CDC5L: variants seen among roughly 807,000 people sequenced by gnomAD.
CDC5L encodes the protein cell division cycle 5-like protein.
CDC5L carries 18 observed loss-of-function variants against 104.1 expected under a neutral mutation model. That is an observed-to-expected ratio of 0.17 (90% CI 0.12 to 0.26). The LOEUF is 0.26. Ranked by LOEUF, CDC5L falls within the 10% of genes least tolerant of loss-of-function variation. The probability of loss-of-function intolerance (pLI) is 1.00; values close to 1 mark genes in which losing one functional copy is unlikely to be tolerated. For missense variants in CDC5L, 673 were observed against 956.9 expected, an observed-to-expected ratio of 0.70 and a Z score of 3.91; for synonymous variants, 331 against 322.7, an observed-to-expected ratio of 1.03 and a Z score of -0.28.
chr6:44,420,069 A>G (rs928150486), intron 9 of CDC5L, among the ~76,000 whole-genome samples: 3 of 152,078 alleles, frequency 2.0e-5, no homozygotes, highest in Admixed American at 2.0e-4. Flanking sequence ...CCTTTTATGT[A>G]TGTATTACTA....
intron 4 of CDC5L, among the ~76,000 whole-genome samples, chr6:44,394,512 A>G (rs1790759751): frequency 1.3e-5 from 2 of 152,168 alleles, no homozygotes; most frequent in African/African-American, 4.8e-5. Context: ...GAATTCCACA[A>G]TAGAAAGTAT....
intron 14 of CDC5L, among the ~76,000 whole-genome samples, chr6:44,433,588 T>A (rs998446691): frequency 3.9e-5 from 6 of 152,198 alleles, no homozygotes; most frequent in African/African-American, 1.4e-4. Flanking sequence ...ATGGAAAGGC[T>A]TTCCTTAGAG....
chr6:44,440,211 C>T (rs1793116183), intron 14 of CDC5L, among the ~76,000 whole-genome samples: 1 of 151,374 alleles, frequency 6.6e-6, no homozygotes, highest in Admixed American at 6.6e-5. Flanking sequence ...TGTTACTCGC[C>T]TGCCTCCACC....
At chr6:44,410,387 G>A (rs748242971) in intron 8 of CDC5L, among the ~76,000 whole-genome samples, 3 of 152,178 alleles carry the variant, frequency 2.0e-5, no homozygotes, top group Admixed American at 6.5e-5. Context: ...ACAAATGACA[G>A]GATTTCTTTT....
In CDC5L at chr6:44,449,191, G is replaced by A. The variant is rs951437436; in HGVS notation, c.*2480G>A. ...CACATACTTATAGCCTAAAAAAATCGGCAGGAATTACAAAATTTCAAAACT... is the reference window on the plus strand; with the variant it reads ...CACATACTTATAGCCTAAAAAAATCAGCAGGAATTACAAAATTTCAAAACT... On this transcript the variant is annotated 3_prime_UTR_variant, in exon 16 of 16. Coordinates refer to ENST00000371477, the MANE Select transcript of CDC5L (RefSeq NM_001253.4). The A allele has an allele frequency of 1.3e-5, 2 of 151,612 alleles. No homozygotes were observed. The highest frequency in any genetic ancestry group is 2.9e-5 in the Non-Finnish European group (2 of 67,962). The allele number at this position is 151,612 out of a possible 1,614,324, so 9.4% of individuals were successfully genotyped here.
Position 44,404,038 on chromosome 6 carries a change from T to G in CDC5L, c.758+11T>G. 6.3e-7 allele frequency: 1 copy of G among 1,595,758 alleles called. No homozygotes were observed. The highest frequency in any genetic ancestry group is 8.5e-7 in the Non-Finnish European group (1 of 1,172,066). On this transcript the variant is annotated intron_variant, in intron 6 of 15. Coordinates refer to ENST00000371477, the MANE Select transcript of CDC5L (RefSeq NM_001253.4). ...TGGGGAGCTAAGATCGTAAGTTGCC[T>G]TTCTGATTTTGGAAATGGAAAGGAA...
chr6:44,401,089 T>C (rs187519911), intron 5 of CDC5L, among the ~76,000 whole-genome samples: 33 of 152,222 alleles, frequency 2.2e-4, no homozygotes, highest in African/African-American at 7.2e-4. Flanking sequence ...GAACTTCCAC[T>C]GTTTTTGATA....
intron 8 of CDC5L, among the ~76,000 whole-genome samples, chr6:44,415,628 G>T (rs1383775757): frequency 6.6e-6 from 1 of 151,854 alleles, no homozygotes; most frequent in Non-Finnish European, 1.5e-5. Context: ...CATATAGCCT[G>T]CAAGAAGGAG....
In CDC5L at chr6:44,449,126, T is replaced by C. The variant is rs1482122214; in HGVS notation, c.*2415T>C. On this transcript the variant is annotated 3_prime_UTR_variant, in exon 16 of 16. Transcript: ENST00000371477. The stretch of plus-strand genomic sequence containing the variant: ...TATGGATTTAAAAGTTGATCTAATA[T>C]TAATAAAGGCTCACTTTGTTTTCAA... 3 of 152,258 alleles carry C rather than the reference T, an allele frequency of 2.0e-5. No individual in the cohort carries two copies. The highest frequency in any genetic ancestry group is 4.4e-5 in the Non-Finnish European group (3 of 68,050). The allele number at this position is 152,258 out of a possible 1,614,324, so 9.4% of individuals were successfully genotyped here. A position where few individuals can be genotyped will look rare whatever the true frequency, so the allele number is the denominator to read the frequency against.
rs1007005514 is a variant in CDC5L at position 44,449,079 on chromosome 6, C to T, written c.*2368C>T. 8.5e-5 allele frequency: 13 copies of T among 152,102 alleles called. No homozygotes were observed. The highest frequency in any genetic ancestry group is 2.9e-4 in the African/African-American group (12 of 41,402). 9.4% of individuals were successfully genotyped at this position (152,102 alleles called of 1,614,324 possible). On this transcript the variant is annotated 3_prime_UTR_variant, in exon 16 of 16. Transcript: ENST00000371477. ...TTTTAAAGGATTTATAGTTTATTTG[C>T]ACTTTTTGTAGACTTGAATTATATG... is the stretch of plus-strand genomic sequence containing the variant.
At chr6:44,423,744 C>T (rs1387414984) in intron 10 of CDC5L, among the ~76,000 whole-genome samples, 2 of 152,158 alleles carry the variant, frequency 1.3e-5, no homozygotes, top group Non-Finnish European at 2.9e-5. Flanking sequence ...AACCAGGACT[C>T]TACTTTCTTT....
chr6:44,417,654 A>C (rs1339258217), intron 8 of CDC5L, among the ~76,000 whole-genome samples: 1 of 152,198 alleles, frequency 6.6e-6, no homozygotes, highest in Non-Finnish European at 1.5e-5. Context: ...GATAGCACTG[A>C]GGACAGGGTT....
Position 44,419,515 on chromosome 6 carries a change from T to C in CDC5L, c.1159T>C (p.Leu387=), listed in dbSNP as rs191380486. The change falls in exon 9 of 16, where the codon TTG becomes CTG. Residue 387 remains leucine, a synonymous_variant. Transcript: ENST00000371477. The part of the protein sequence containing the change: ...TPLKGGLNTP[L]HESDFSGVTP... ...ATTGAAAGGTGGACTTAATACCCCA[T>C]TGCATGAGAGTGACTTCTCAGGTGT... The C allele has an allele frequency of 1.1e-5, 18 of 1,613,766 alleles. No homozygotes were observed. The highest frequency in any genetic ancestry group is 1.7e-5 in the Admixed American group (1 of 60,018).
At chr6:44,408,049 T>C (rs1561971112) in intron 7 of CDC5L, among the ~76,000 whole-genome samples, 1 of 152,184 alleles carries the variant, frequency 6.6e-6, no homozygotes, top group Non-Finnish European at 1.5e-5. Context: ...AATTTCAGTA[T>C]AGAGATACAG....
intron 6 of CDC5L, among the ~76,000 whole-genome samples, chr6:44,404,816 T>C (rs1487783589): frequency 1.3e-5 from 2 of 152,062 alleles, no homozygotes; most frequent in African/African-American, 4.8e-5. Context: ...CCTCAACCTC[T>C]CAAGTAGCTG....
rs368980386 is a variant in CDC5L, at chr6:44,387,796, C to T, written c.-28C>T. Reference sequence around the variant, plus strand: ...ACTACTTCTCTGAAGCTCCTCTCGGCTGCTTGCCGAGACACCCTGCCGCCA... The same window carrying T: ...ACTACTTCTCTGAAGCTCCTCTCGGTTGCTTGCCGAGACACCCTGCCGCCA... On this transcript the variant is annotated 5_prime_UTR_variant, in exon 1 of 16. Coordinates refer to ENST00000371477, the MANE Select transcript of CDC5L (RefSeq NM_001253.4). The T allele has an allele frequency of 3.9e-6, 6 of 1,552,464 alleles. No individual in the cohort carries two copies. In the African/African-American group the frequency reaches 5.5e-5, roughly 14 times the overall value.
intron 14 of CDC5L, among the ~76,000 whole-genome samples, chr6:44,437,701 C>T (rs1024050036): frequency 1.6e-4 from 24 of 152,256 alleles, no homozygotes; most frequent in Non-Finnish European, 2.8e-4. Context: ...TAATACTAAA[C>T]GTACCTTGAT....
At chr6:44,439,718 A>G (rs916195301) in intron 14 of CDC5L, among the ~76,000 whole-genome samples, 3 of 152,230 alleles carry the variant, frequency 2.0e-5, no homozygotes, top group African/African-American at 7.2e-5. Context: ...TAATAATGGT[A>G]ATCAGACCTG....
At chr6:44,399,136 T>C (rs111865061) in intron 5 of CDC5L, among the ~76,000 whole-genome samples, 1 of 152,238 alleles carries the variant, frequency 6.6e-6, no homozygotes, top group Non-Finnish European at 1.5e-5. Flanking sequence ...TTTTTTTTGT[T>C]GAGACGGAGT....
Sources: allele counts gnomAD v4.1 joint callset (sites outside exome capture counted in the v4.1 genomes callset), GRCh38; gene constraint gnomAD v4.1.1; transcripts MANE v1.5; gene names NCBI Gene and HGNC (gene_info 2026-07-23, HGNC 2026-07-21).